The following ADGRL3 variants were observed in gnomAD, a reference collection of about 807,000 sequenced individuals.
ADGRL3 encodes the protein adhesion G protein-coupled receptor L3.
ADGRL3 carries 62 observed loss-of-function variants against 153.5 expected under a neutral mutation model. That is an observed-to-expected ratio of 0.40 (90% confidence interval 0.33 to 0.50). The LOEUF is 0.50. Ranked by LOEUF, ADGRL3 falls within the 20% of genes least tolerant of loss-of-function variation. The pLI is 0.47. For synonymous variants in ADGRL3, 710 were observed against 672.5 expected, an observed-to-expected ratio of 1.06 and a Z score of -0.86; for missense variants, 1,641 against 1,859.4, an observed-to-expected ratio of 0.88 and a Z score of 2.16.
chr4:61,511,266 CG>C (rs2098462398), intron 3 of ADGRL3, among the ~76,000 whole-genome samples: 1 of 152,016 alleles, frequency 6.6e-6, no homozygotes, highest in South Asian at 2.1e-4. Flanking sequence ...CTACTCGGGA[CG>C]TTGCAGTAGG....
At chr4:61,528,769 C>T (rs1312295825) in intron 4 of ADGRL3, among the ~76,000 whole-genome samples, 8 of 152,110 alleles carry the variant, frequency 5.3e-5, no homozygotes, top group South Asian at 2.1e-4. Flanking sequence ...TGCCATGCTG[C>T]AATATCAAAA....
chr4:61,483,619 C>A (rs926053425), intron 2 of ADGRL3, among the ~76,000 whole-genome samples: 1 of 151,872 alleles, frequency 6.6e-6, no homozygotes, highest in Non-Finnish European at 1.5e-5. Flanking sequence ...TGCCTGTAAT[C>A]CCAGCTACTC....
At position 62,073,871 on chromosome 4, in the gene ADGRL3, A is replaced by G. The variant is rs1203547510; in HGVS notation, c.*2963A>G. ...AGAGAGACTTAAGATCCCAAAGATT[A>G]TAACAGAGAGAAATTTCCCCTGCAA... On this transcript the variant is annotated 3_prime_UTR_variant, in exon 27 of 27. Coordinates refer to ENST00000683033, the MANE Select transcript of ADGRL3 (RefSeq NM_001387552.1). 6.6e-6 allele frequency: 1 copy of G among 152,126 alleles called. No individual in the cohort carries two copies. Among genetic ancestry groups the G allele is most frequent in the African/African-American group, 2.4e-5 (1 of 41,450 alleles). The allele number at this position is 152,126 out of a possible 1,614,324, so 9.4% of individuals were successfully genotyped here. A position where few individuals can be genotyped will look rare whatever the true frequency, so the allele number is the denominator to read the frequency against.
intron 6 of ADGRL3, among the ~76,000 whole-genome samples, chr4:61,702,174 C>G (rs896602881): frequency 6.6e-6 from 1 of 152,088 alleles, no homozygotes; most frequent in Non-Finnish European, 1.5e-5. Context: ...GCTAAATACT[C>G]CAGTTCCTTT....
chr4:61,509,674 G>A (rs1021314933), intron 3 of ADGRL3, among the ~76,000 whole-genome samples: 1 of 151,980 alleles, frequency 6.6e-6, no homozygotes, highest in African/African-American at 2.4e-5. Flanking sequence ...CCATTGATGA[G>A]CACTTGGGTT....
rs554783571 is a variant in ADGRL3 at position 61,726,425 on chromosome 4, C to G, written c.584-4197C>G. Among the ~76,000 whole-genome samples, 3 of 151,958 alleles carry G rather than the reference C, an allele frequency of 2.0e-5. No homozygotes were observed. The South Asian group carries it at 6.2e-4, about 32-fold the overall frequency. ...TGTTGGCCAGGCTGGTCTCGAACTC[C>G]CGAACTCAGGTGATCCACCCACCTC... is the stretch of plus-strand genomic sequence containing the variant. On this transcript the variant is annotated intron_variant, in intron 6 of 26. Coordinates refer to ENST00000683033, the MANE Select transcript of ADGRL3 (RefSeq NM_001387552.1).
At chr4:61,532,672 T>C (rs1027118413) in intron 4 of ADGRL3, among the ~76,000 whole-genome samples, 1 of 151,292 alleles carries the variant, frequency 6.6e-6, no homozygotes, top group Non-Finnish European at 1.5e-5. Flanking sequence ...GAGGCACTCC[T>C]GGGAGCAGCC....
chr4:61,681,693 A>C (rs2095339552), intron 6 of ADGRL3, among the ~76,000 whole-genome samples: 1 of 152,064 alleles, frequency 6.6e-6, no homozygotes, highest in African/African-American at 2.4e-5. Context: ...AATGTATTAC[A>C]CGTTTAGCAT....
rs2098508712 is a variant in ADGRL3, at chr4:61,881,565, A to T, written c.1481-11091A>T. ...GGCTAGTTTTTGCGTTTTAGTAGAG[A>T]CGGGGTTTCCCCATGTTGGCCAGGC... On this transcript the variant is annotated intron_variant, in intron 9 of 26. Coordinates refer to ENST00000683033, the MANE Select transcript of ADGRL3 (RefSeq NM_001387552.1). 3.3e-5 allele frequency among the ~76,000 whole-genome samples: 5 copies of T among 152,136 alleles called. No individual in the cohort carries two copies. In the South Asian group the frequency reaches 1.0e-3, roughly 32 times the overall value.
intron 6 of ADGRL3, among the ~76,000 whole-genome samples, chr4:61,688,109 T>C (rs575857909): frequency 6.6e-6 from 1 of 152,208 alleles, no homozygotes; most frequent in South Asian, 2.1e-4. Context: ...CTTCATACTA[T>C]ATATTATAAA....
At chr4:61,244,598 A>G (rs953032727) in intron 1 of ADGRL3, among the ~76,000 whole-genome samples, 2 of 151,998 alleles carry the variant, frequency 1.3e-5, no homozygotes, top group African/African-American at 2.4e-5. Flanking sequence ...AGAGCCAATT[A>G]AAACCCATTC....
At chr4:61,330,225 C>T (rs993210639) in intron 1 of ADGRL3, among the ~76,000 whole-genome samples, 1 of 152,070 alleles carries the variant, frequency 6.6e-6, no homozygotes, top group Non-Finnish European at 1.5e-5. Flanking sequence ...GCACAGATAG[C>T]TGGTTAAACA....
intron 15 of ADGRL3, among the ~76,000 whole-genome samples, chr4:61,946,187 C>T (rs1041671546): frequency 3.9e-5 from 6 of 152,230 alleles, no homozygotes; most frequent in African/African-American, 1.2e-4. Context: ...CCACCAGAAG[C>T]GTACGAGAGT....
intron 8 of ADGRL3, among the ~76,000 whole-genome samples, chr4:61,769,845 TGTC>T (rs2097060739): frequency 6.6e-6 from 1 of 151,850 alleles, no homozygotes; most frequent in Non-Finnish European, 1.5e-5. Flanking sequence ...CACAAGGTAA[TGTC>T]ATCAGTTAAG....
intron 8 of ADGRL3, among the ~76,000 whole-genome samples, chr4:61,777,058 AG>A (rs1438380380): frequency 1.3e-5 from 2 of 152,046 alleles, no homozygotes; most frequent in African/African-American, 4.8e-5. Flanking sequence ...ATTTCTGGCC[AG>A]GTGTGCTGGC....
chr4:61,533,594 T>G (rs1446845370), intron 4 of ADGRL3, among the ~76,000 whole-genome samples: 1 of 152,204 alleles, frequency 6.6e-6, no homozygotes, highest in Middle Eastern at 3.2e-3. Flanking sequence ...TTCTTTGTTC[T>G]CTGACCTTAG....
At chr4:61,603,322 G>A (rs984729910) in intron 5 of ADGRL3, among the ~76,000 whole-genome samples, 30 of 152,110 alleles carry the variant, frequency 2.0e-4, no homozygotes, top group Non-Finnish European at 2.8e-4. Context: ...TTCTGGAATC[G>A]AAACTATCAA....
chr4:61,773,371 C>T (rs2097108379), intron 8 of ADGRL3, among the ~76,000 whole-genome samples: 1 of 152,114 alleles, frequency 6.6e-6, no homozygotes, highest in Non-Finnish European at 1.5e-5. Context: ...TTTCCTAGTA[C>T]TATTGTCTCA....
chr4:61,927,684 G>A (rs2150058754), intron 13 of ADGRL3, among the ~76,000 whole-genome samples: 1 of 152,190 alleles, frequency 6.6e-6, no homozygotes, highest in Non-Finnish European at 1.5e-5. Flanking sequence ...CTGTTTTGAA[G>A]ACACTTCTAA....
Sources: allele counts gnomAD v4.1 joint callset (sites outside exome capture counted in the v4.1 genomes callset), GRCh38; gene constraint gnomAD v4.1.1; transcripts MANE v1.5; gene names NCBI Gene and HGNC (gene_info 2026-07-23, HGNC 2026-07-21).